The following MAGI2 variants were observed in gnomAD, a reference collection of about 807,000 sequenced individuals.
MAGI2 encodes membrane associated guanylate kinase, WW and PDZ domain containing 2.
MAGI2 carries 35 observed loss-of-function variants against 133.3 expected under a neutral mutation model. The observed-to-expected ratio is 0.26, with a 90% CI of 0.20 to 0.35. The LOEUF (loss-of-function observed/expected upper bound fraction) is 0.35, where lower values mean the gene tolerates loss of function less well. Among genes scored for constraint, MAGI2 ranks in the 10% least tolerant of loss-of-function variants. The pLI, the probability that MAGI2 is intolerant of heterozygous loss-of-function variation, is 1.00. For synonymous variants in MAGI2, 729 were observed against 710.6 expected, an observed-to-expected ratio of 1.03 and a Z score of -0.41; for missense variants, 1,636 against 1,863.4, an observed-to-expected ratio of 0.88 and a Z score of 2.25.
chr7:78,884,143 G>T (rs1799027), intron 2 of MAGI2, among the ~76,000 whole-genome samples: 92,751 of 151,880 alleles, frequency 0.61, 29,637 homozygotes, highest in Middle Eastern at 0.75. Flanking sequence ...TATAAAAAAC[G>T]TAAAGAACAA....
At chr7:78,885,325 A>G (rs1015357012) in intron 2 of MAGI2, among the ~76,000 whole-genome samples, 2 of 152,212 alleles carry the variant, frequency 1.3e-5, no homozygotes, top group African/African-American at 4.8e-5. Context: ...GAAATTACTA[A>G]TAAAAAATCA....
chr7:79,205,214 G>T (rs952534641), intron 1 of MAGI2, among the ~76,000 whole-genome samples: 9 of 151,838 alleles, frequency 5.9e-5, no homozygotes, highest in Non-Finnish European at 1.3e-4. Context: ...ACAAAGAAAA[G>T]ATCTTGAAAG....
intron 4 of MAGI2, among the ~76,000 whole-genome samples, chr7:78,511,013 T>G (rs572730028): frequency 1.6e-4 from 25 of 152,258 alleles, no homozygotes; most frequent in African/African-American, 5.3e-4. Context: ...TAAAGATTTC[T>G]CCATGCTTTT....
intron 9 of MAGI2, among the ~76,000 whole-genome samples, chr7:78,305,217 A>T (rs1364487182): frequency 6.6e-6 from 1 of 152,052 alleles, no homozygotes; most frequent in East Asian, 1.9e-4. Context: ...CTCCATCTGG[A>T]ATGCAGCTCT....
chr7:78,719,385 A>T (rs1176029813), intron 2 of MAGI2, among the ~76,000 whole-genome samples: 2 of 152,166 alleles, frequency 1.3e-5, no homozygotes, highest in African/African-American at 4.8e-5. Context: ...AAAAAAATCC[A>T]ACTGTAAGTG....
chr7:78,340,017 A>G (rs1790188554), intron 9 of MAGI2, among the ~76,000 whole-genome samples: 1 of 152,164 alleles, frequency 6.6e-6, no homozygotes, highest in Non-Finnish European at 1.5e-5. Context: ...TGAATACCTC[A>G]ATTTTTTTTG....
At chr7:78,965,400 G>A (rs566999972) in intron 2 of MAGI2, among the ~76,000 whole-genome samples, 1 of 151,880 alleles carries the variant, frequency 6.6e-6, no homozygotes, top group Admixed American at 6.6e-5. Flanking sequence ...CACATTTCTT[G>A]GAGGCAGTTA....
intron 2 of MAGI2, among the ~76,000 whole-genome samples, chr7:78,659,749 A>G (rs1197798516): frequency 6.6e-6 from 1 of 152,126 alleles, no homozygotes; most frequent in Non-Finnish European, 1.5e-5. Context: ...TGGTTGTGAT[A>G]TTGTACTATT....
intron 6 of MAGI2, among the ~76,000 whole-genome samples, chr7:78,481,068 C>T (rs1792319076): frequency 6.6e-6 from 1 of 151,866 alleles, no homozygotes; most frequent in Non-Finnish European, 1.5e-5. Flanking sequence ...AAAGCTTCTC[C>T]TAAAATTTAT....
At chr7:79,319,223 A>G (rs1240126230) in intron 1 of MAGI2, among the ~76,000 whole-genome samples, 4 of 152,192 alleles carry the variant, frequency 2.6e-5, no homozygotes, top group Non-Finnish European at 5.9e-5. Context: ...ATACACATCC[A>G]GACTCATAAA....
chr7:78,723,087 AGCAT>A lies in MAGI2; in HGVS notation c.419-95852_419-95849del, dbSNP rs140155894. ...CCTTAAGATATTAAGTTGTCTGTTA[AGCAT>A]TGCAGTGATCAAGGAAGCATCCATA... On this transcript the variant is annotated intron_variant, in intron 2 of 21. Coordinates refer to ENST00000354212, the MANE Select transcript of MAGI2 (RefSeq NM_012301.4). 4.0e-4 allele frequency among the ~76,000 whole-genome samples: 61 copies of A among 152,340 alleles called. No homozygotes were observed. In the East Asian group the frequency reaches 0.01, roughly 26 times the overall value.
intron 21 of MAGI2, 29 bp from the exon 22 acceptor site, chr7:78,020,005 G>A: frequency 6.4e-7 from 1 of 1,569,630 alleles, no homozygotes; most frequent in Non-Finnish European, 8.6e-7. Context: ...GGCGTTAGCA[G>A]TGGCGCACGC....
intron 3 of MAGI2, among the ~76,000 whole-genome samples, chr7:78,543,377 T>C (rs182096992): frequency 5.1e-4 from 77 of 152,340 alleles, no homozygotes; most frequent in African/African-American, 1.8e-3. Flanking sequence ...TCTGTCTAAA[T>C]TGATATTGAA....
intron 6 of MAGI2, among the ~76,000 whole-genome samples, chr7:78,424,708 T>A (rs905412791): frequency 6.6e-6 from 1 of 152,012 alleles, no homozygotes; most frequent in African/African-American, 2.4e-5. Flanking sequence ...AGACATGGAG[T>A]CAAAGGAAAT....
At chr7:78,459,364 G>A (rs1789714071) in intron 6 of MAGI2, among the ~76,000 whole-genome samples, 1 of 152,188 alleles carries the variant, frequency 6.6e-6, no homozygotes, top group Non-Finnish European at 1.5e-5. Flanking sequence ...GCAAAAGGTA[G>A]TATTAACACG....
intron 9 of MAGI2, among the ~76,000 whole-genome samples, chr7:78,320,348 A>T (rs1001021566): frequency 1.3e-5 from 2 of 152,210 alleles, no homozygotes; most frequent in African/African-American, 4.8e-5. Context: ...AATATCCCTG[A>T]TGAACATCAC....
intron 9 of MAGI2, among the ~76,000 whole-genome samples, chr7:78,290,457 G>T (rs1457500700): frequency 1.3e-5 from 2 of 152,162 alleles, no homozygotes; most frequent in Non-Finnish European, 2.9e-5. Context: ...CAAGTTCTTA[G>T]AGACCTAGAA....
intron 3 of MAGI2, among the ~76,000 whole-genome samples, chr7:78,573,765 C>T (rs917162025): frequency 1.8e-4 from 28 of 152,046 alleles, no homozygotes; most frequent in African/African-American, 6.8e-4. Flanking sequence ...ATGGGTTTCA[C>T]TGCACATTGA....
intron 2 of MAGI2, among the ~76,000 whole-genome samples, chr7:78,639,321 A>C (rs991374258): frequency 1.3e-5 from 2 of 152,042 alleles, no homozygotes; most frequent in African/African-American, 4.8e-5. Flanking sequence ...TATATGGCAT[A>C]AATCACATGT....
Sources: gnomAD v4.1 joint callset for allele counts (sites outside exome capture counted in the v4.1 genomes callset) on GRCh38, gnomAD v4.1.1 for gene constraint, MANE v1.5 for transcripts, NCBI Gene and HGNC (gene_info 2026-07-23, HGNC 2026-07-21) for gene names.